The following INPP4B variants were observed in gnomAD, a reference collection of about 807,000 sequenced individuals.
INPP4B encodes the protein inositol polyphosphate-4-phosphatase type II B, also known as inositol polyphosphate 4-phosphatase type II.
A neutral mutation model predicts 122.5 loss-of-function variants in INPP4B; 55 were observed. The ratio of observed to expected loss-of-function variants is 0.45; its 90% CI spans 0.36 to 0.56. The LOEUF (loss-of-function observed/expected upper bound fraction) is 0.56, where lower values mean the gene tolerates loss of function less well. Among genes scored for constraint, INPP4B ranks in the 20% least tolerant of loss-of-function variants. INPP4B has a pLI of 0.00. For synonymous variants in INPP4B, 403 were observed against 388.7 expected, an observed-to-expected ratio of 1.04 and a Z score of -0.43; for missense variants, 1,000 against 1,097.7, an observed-to-expected ratio of 0.91 and a Z score of 1.26.
In INPP4B at chr4:142,082,152, A is replaced by C. The variant is rs756143645; in HGVS notation, c.2521T>G (p.Cys841Gly). The change falls in exon 25 of 26, where the codon TGT becomes GGT. Residue 841 changes from cysteine to glycine, a missense_variant. Cys to Gly is a radical substitution (Grantham distance 159, BLOSUM62 -3). Transcript: ENST00000262992. Reference sequence around the variant, plus strand: ...GTCCTGTCTTTGGCACTTTTACAACAGGTGAAACGAATACCATTCAGTTTG... The same window carrying C: ...GTCCTGTCTTTGGCACTTTTACAACCGGTGAAACGAATACCATTCAGTTTG... ...CRKLNGIRFTCCKSAKDRTSM... is the reference protein window; with the variant it reads ...CRKLNGIRFTGCKSAKDRTSM... The C allele has an allele frequency of 6.5e-7, 1 of 1,532,954 alleles. No homozygotes were observed. The highest frequency in any genetic ancestry group is 8.9e-7 in the Non-Finnish European group (1 of 1,121,304). The allele number at this position is 1,532,954 out of a possible 1,614,324, so 95.0% of individuals were successfully genotyped here. A position where few individuals can be genotyped will look rare whatever the true frequency, so the allele number is the denominator to read the frequency against.
At chr4:142,159,909 A>G (rs532828588) in intron 17 of INPP4B, among the ~76,000 whole-genome samples, 189 of 152,120 alleles carry the variant, frequency 1.2e-3, no homozygotes, top group South Asian at 2.9e-3. Context: ...GGGATTTGCG[A>G]GATATCTATG....
intron 1 of INPP4B, among the ~76,000 whole-genome samples, chr4:142,845,123 C>T (rs1037866366): frequency 1.3e-5 from 2 of 151,894 alleles, no homozygotes; most frequent in Non-Finnish European, 2.9e-5. Context: ...AATAGAAAAC[C>T]CTACCGGGTT....
intron 1 of INPP4B, among the ~76,000 whole-genome samples, chr4:142,777,393 CTG>C (rs1774091302): frequency 6.6e-6 from 1 of 152,224 alleles, no homozygotes; most frequent in South Asian, 2.1e-4. Flanking sequence ...TGTCAGGAAA[CTG>C]TGGGTGGCCT....
intron 7 of INPP4B, among the ~76,000 whole-genome samples, chr4:142,402,068 G>A (rs953254256): frequency 6.6e-5 from 10 of 152,108 alleles, no homozygotes; most frequent in African/African-American, 2.4e-4. Context: ...CCCTATACAA[G>A]GCACTGTGGG....
intron 1 of INPP4B, among the ~76,000 whole-genome samples, chr4:142,839,570 A>G (rs1783233805): frequency 6.6e-6 from 1 of 152,246 alleles, no homozygotes; most frequent in Non-Finnish European, 1.5e-5. Context: ...TTTTTACTAT[A>G]GTAATTATTT....
chr4:142,442,448 TAAAAA>T (rs1812032276), intron 3 of INPP4B, among the ~76,000 whole-genome samples: 1 of 111,460 alleles, frequency 9.0e-6, no homozygotes, highest in South Asian at 3.0e-4. Flanking sequence ...AAGAAAAAAA[TAAAAA>T]GATGAATAAA....
At chr4:142,609,444 T>C (rs62331860) in intron 2 of INPP4B, among the ~76,000 whole-genome samples, 4 of 152,080 alleles carry the variant, frequency 2.6e-5, no homozygotes, top group African/African-American at 9.7e-5. Flanking sequence ...AAAAAAAAGT[T>C]ATCTCTCCTG....
chr4:142,662,957 C>T (rs1391835134), intron 2 of INPP4B, among the ~76,000 whole-genome samples: 1 of 152,130 alleles, frequency 6.6e-6, no homozygotes, highest in East Asian at 1.9e-4. Flanking sequence ...AAAGTCATCT[C>T]ATTAGTCCAA....
At chr4:142,032,347 C>T (rs1740799516) in intron 25 of INPP4B, among the ~76,000 whole-genome samples, 1 of 152,046 alleles carries the variant, frequency 6.6e-6, no homozygotes, top group Non-Finnish European at 1.5e-5. Context: ...AGAGACTCTA[C>T]AGTTATGGAC....
chr4:142,265,874 A>G (rs539232031), intron 10 of INPP4B, among the ~76,000 whole-genome samples: 2 of 152,192 alleles, frequency 1.3e-5, no homozygotes, highest in Non-Finnish European at 2.9e-5. Flanking sequence ...GCATATCTCT[A>G]GGTATCAAGT....
intron 25 of INPP4B, among the ~76,000 whole-genome samples, chr4:142,030,990 A>G (rs911241406): frequency 2.6e-5 from 4 of 152,142 alleles, no homozygotes; most frequent in African/African-American, 7.2e-5. Flanking sequence ...CTCATCTGAA[A>G]AGAGACCCAT....
At chr4:142,406,367 G>A (rs575970159) in intron 5 of INPP4B, among the ~76,000 whole-genome samples, 2 of 152,234 alleles carry the variant, frequency 1.3e-5, no homozygotes, top group Non-Finnish European at 2.9e-5. Context: ...GAAAGATGAG[G>A]TATTTAAGGT....
chr4:142,673,389 G>A (rs1452295167), intron 2 of INPP4B, among the ~76,000 whole-genome samples: 1 of 151,374 alleles, frequency 6.6e-6, no homozygotes, highest in African/African-American at 2.4e-5. Context: ...AGTCACTCTT[G>A]GCTCTTCATG....
Position 142,087,136 on chromosome 4 carries a change from G to T in INPP4B, c.2375-880C>A, listed in dbSNP as rs546083247. 3.3e-5 allele frequency among the ~76,000 whole-genome samples: 5 copies of T among 152,244 alleles called. No individual in the cohort carries two copies. The South Asian group carries it at 8.3e-4, about 25-fold the overall frequency. On this transcript the variant is annotated intron_variant, in intron 23 of 25. Transcript: ENST00000262992. ...ACAGCATCCCTGGCCTCTACCATTC[G>T]CATGCCAGTAGCAGCTTTCCCAAGG...
chr4:142,239,146 C>T (rs923277258), intron 11 of INPP4B, among the ~76,000 whole-genome samples: 2 of 152,086 alleles, frequency 1.3e-5, no homozygotes, highest in Non-Finnish European at 2.9e-5. Context: ...TTCTTGAACA[C>T]TGAAATGAGG....
chr4:142,564,451 AAAAGAAAG>A (rs35888532), intron 2 of INPP4B, among the ~76,000 whole-genome samples: 1 of 131,686 alleles, frequency 7.6e-6, no homozygotes, highest in African/African-American at 2.8e-5. Context: ...AAAAAAAAAA[AAAAGAAAG>A]AAAGAAAGAA....
chr4:142,192,690 A>C (rs912523449), intron 15 of INPP4B, among the ~76,000 whole-genome samples: 2 of 152,162 alleles, frequency 1.3e-5, no homozygotes, highest in Admixed American at 6.6e-5. Flanking sequence ...TCAGGCCAGC[A>C]TGGAAATTAC....
intron 14 of INPP4B, among the ~76,000 whole-genome samples, chr4:142,206,826 C>A (rs1842777472): frequency 2.0e-5 from 3 of 151,868 alleles, no homozygotes; most frequent in Admixed American, 6.6e-5. Flanking sequence ...AAAAGATCTA[C>A]CCCCTCAGCA....
At chr4:142,148,372 C>T (rs967919019) in intron 17 of INPP4B, among the ~76,000 whole-genome samples, 1 of 152,044 alleles carries the variant, frequency 6.6e-6, no homozygotes, top group Admixed American at 6.6e-5. Flanking sequence ...GCCCACCACG[C>T]CTAACTAATT....
Sources: gnomAD v4.1 joint callset for allele counts (sites outside exome capture counted in the v4.1 genomes callset) on GRCh38, gnomAD v4.1.1 for gene constraint, MANE v1.5 for transcripts, NCBI Gene and HGNC (gene_info 2026-07-23, HGNC 2026-07-21) for gene names.